The following EPHA3 variants were observed in gnomAD, a reference collection of about 807,000 sequenced individuals.
EPHA3 encodes ephrin type-A receptor 3.
A neutral mutation model predicts 107.1 loss-of-function variants in EPHA3; 42 were observed. The ratio of observed to expected loss-of-function variants is 0.39; its 90% confidence interval spans 0.31 to 0.51. The LOEUF (loss-of-function observed/expected upper bound fraction) is 0.51, where lower values mean the gene tolerates loss of function less well. Among genes scored for constraint, EPHA3 ranks in the 20% least tolerant of loss-of-function variants. The pLI is 0.78. For synonymous variants in EPHA3, 461 were observed against 424.8 expected (o/e 1.09, Z -1.05); for missense variants, 1,183 against 1,211.2 (o/e 0.98, Z 0.35).
At chr3:89,113,151 A>G (rs1334635885) in intron 1 of EPHA3, among the ~76,000 whole-genome samples, 2 of 152,144 alleles carry the variant, frequency 1.3e-5, no homozygotes, top group Non-Finnish European at 2.9e-5. Flanking sequence ...TATATTATTC[A>G]TCCAGTTATA....
At chr3:89,158,705 G>A (rs1704857988) in intron 2 of EPHA3, among the ~76,000 whole-genome samples, 1 of 151,830 alleles carries the variant, frequency 6.6e-6, no homozygotes, top group Non-Finnish European at 1.5e-5. Flanking sequence ...TTTTACAGTG[G>A]GCCTCTTCTT....
At chr3:89,450,431 A>G in intron 15 of EPHA3, 61 bp downstream of exon 15, 2 of 1,536,866 alleles carry the variant, frequency 1.3e-6, no homozygotes, top group South Asian at 1.2e-5. Flanking sequence ...TATCTCCAAG[A>G]TGTTAATTTT....
chr3:89,398,557 A>AT (rs1015415757), intron 6 of EPHA3, among the ~76,000 whole-genome samples: 2 of 152,118 alleles, frequency 1.3e-5, no homozygotes, highest in Non-Finnish European at 1.5e-5. Context: ...TAAAACCTTG[A>AT]TTTTTTATGT....
At chr3:89,264,548 T>C (rs929089043) in intron 3 of EPHA3, among the ~76,000 whole-genome samples, 1 of 152,204 alleles carries the variant, frequency 6.6e-6, no homozygotes, top group African/African-American at 2.4e-5. Flanking sequence ...AGTTCTCTTT[T>C]TATAAATTAT....
rs1408957456 is a variant in EPHA3, at chr3:89,338,764, G to A, written c.815-2152G>A. On this transcript the variant is annotated intron_variant, in intron 3 of 16. Coordinates refer to ENST00000336596, the MANE Select transcript of EPHA3 (RefSeq NM_005233.6). Reference sequence around the variant, plus strand: ...GGGTTTCACCGTGTTAGCCAAGATGGTCTCGATCTCCTGACTTTTATGGTT... The same window carrying A: ...GGGTTTCACCGTGTTAGCCAAGATGATCTCGATCTCCTGACTTTTATGGTT... Among the ~76,000 whole-genome samples the A allele has an allele frequency of 1.4e-4, 21 of 152,214 alleles. No individual in the cohort carries two copies. In the South Asian group the frequency reaches 4.4e-3, roughly 32 times the overall value.
rs1470316824 is a variant in EPHA3, at chr3:89,211,811, TCTTCTTCTC to T, written c.814+1297_814+1305del. Among the ~76,000 whole-genome samples the T allele has an allele frequency of 5.4e-3, 528 of 97,988 alleles. 2 individuals are homozygous for T. Among genetic ancestry groups the T allele is most frequent in the African/African-American group, 0.021 (400 of 19,174 alleles). 64.3% of individuals were successfully genotyped at this position (97,988 alleles called of 152,430 possible). A position where few individuals can be genotyped will look rare whatever the true frequency, so the allele number is the denominator to read the frequency against. ...TTCTTCTTCTTCTTCTTCTTCTTCT[TCTTCTTCTC>T]CTTCTCCTCCTCCTCCTCTTTCTTT... On this transcript the variant is annotated intron_variant, in intron 3 of 16. Coordinates refer to ENST00000336596, the MANE Select transcript of EPHA3 (RefSeq NM_005233.6).
At chr3:89,150,067 G>A (rs1485682447) in intron 2 of EPHA3, among the ~76,000 whole-genome samples, 1 of 151,926 alleles carries the variant, frequency 6.6e-6, no homozygotes, top group Non-Finnish European at 1.5e-5. Context: ...CCATTTCCTT[G>A]TATCTCTGGC....
rs142740309 is a variant in EPHA3 at position 89,365,392 on chromosome 3, GAC to G, written c.1306+23309_1306+23310del. Among the ~76,000 whole-genome samples the G allele has an allele frequency of 8.8e-3, 1,331 of 150,612 alleles. 30 individuals are homozygous for G. Among genetic ancestry groups the G allele is most frequent in the African/African-American group, 0.03 (1,249 of 41,324 alleles). On this transcript the variant is annotated intron_variant, in intron 5 of 16. Coordinates refer to ENST00000336596, the MANE Select transcript of EPHA3 (RefSeq NM_005233.6). ...GGGATTTTGTTAGTCCGCTGGAGTG[GAC>G]ACACACTTACATTTCCAAACATATT... is the stretch of plus-strand genomic sequence containing the variant.
At chr3:89,325,045 T>C (rs1484115874) in intron 3 of EPHA3, among the ~76,000 whole-genome samples, 1 of 152,174 alleles carries the variant, frequency 6.6e-6, no homozygotes, top group Admixed American at 6.5e-5. Flanking sequence ...TTCTTTCTTA[T>C]GGTTGCGTGG....
chr3:89,191,952 G>C (rs905623059), intron 2 of EPHA3, among the ~76,000 whole-genome samples: 1 of 152,172 alleles, frequency 6.6e-6, no homozygotes, highest in African/African-American at 2.4e-5. Flanking sequence ...TTTAGGTAAA[G>C]TAGTCATAAA....
chr3:89,286,738 C>A (rs1706092369), intron 3 of EPHA3, among the ~76,000 whole-genome samples: 1 of 152,058 alleles, frequency 6.6e-6, no homozygotes, highest in Admixed American at 6.6e-5. Context: ...GTTTGAAAGT[C>A]ATTTTTAATC....
chr3:89,152,685 A>G (rs1704714755), intron 2 of EPHA3, among the ~76,000 whole-genome samples: 1 of 152,118 alleles, frequency 6.6e-6, no homozygotes, highest in Non-Finnish European at 1.5e-5. Flanking sequence ...CAGAGTCAAA[A>G]TATACTAGGG....
At chr3:89,127,101 A>G in intron 1 of EPHA3, 108 bp from the exon 2 acceptor site, 1 of 796,914 alleles carries the variant, frequency 1.3e-6, no homozygotes, top group Non-Finnish European at 2.1e-6. Flanking sequence ...GAGAAGGAAG[A>G]GTTATGTTTT....
chr3:89,154,527 A>G (rs962579929), intron 2 of EPHA3, among the ~76,000 whole-genome samples: 5 of 151,922 alleles, frequency 3.3e-5, no homozygotes, highest in African/African-American at 1.2e-4. Context: ...TTTTGGACCT[A>G]GCTTTTAAGA....
intron 5 of EPHA3, among the ~76,000 whole-genome samples, chr3:89,376,121 T>C (rs1341400190): frequency 6.6e-6 from 1 of 151,920 alleles, no homozygotes. Flanking sequence ...CATAAAGAGA[T>C]ATTCCATACA....
chr3:89,275,990 C>A (rs913921014), intron 3 of EPHA3, among the ~76,000 whole-genome samples: 2 of 151,940 alleles, frequency 1.3e-5, no homozygotes, highest in Admixed American at 6.6e-5. Context: ...GGTGTCTGAA[C>A]TAGAACCAGC....
At chr3:89,190,887 C>T (rs980922048) in intron 2 of EPHA3, among the ~76,000 whole-genome samples, 3 of 152,090 alleles carry the variant, frequency 2.0e-5, no homozygotes, top group Non-Finnish European at 4.4e-5. Context: ...AATTAGAGCT[C>T]ACAATAATAA....
At chr3:89,226,063 TATATA>T (rs1379722194) in intron 3 of EPHA3, among the ~76,000 whole-genome samples, 4 of 152,168 alleles carry the variant, frequency 2.6e-5, no homozygotes, top group East Asian at 1.9e-4. Flanking sequence ...ATCAAATTGT[TATATA>T]ATATATTTTA....
intron 2 of EPHA3, 27 bp from the exon 3 acceptor site, chr3:89,209,833 A>G (rs1202579543): frequency 1.9e-6 from 3 of 1,549,866 alleles, no homozygotes; most frequent in South Asian, 2.5e-5. Context: ...ATTCTGCCTC[A>G]CTCTCTGTTT....
Sources: gnomAD v4.1 joint callset for allele counts (sites outside exome capture counted in the v4.1 genomes callset) on GRCh38, gnomAD v4.1.1 for gene constraint, MANE v1.5 for transcripts, NCBI Gene and HGNC (gene_info 2026-07-23, HGNC 2026-07-21) for gene names.